Variants in CSMD1 observed in about 807,000 individuals in gnomAD.
CSMD1 encodes CUB and Sushi multiple domains 1, also known as CUB and sushi domain-containing protein 1.
CSMD1 carries 213 observed loss-of-function variants against 417.5 expected under a neutral mutation model. The ratio of observed to expected loss-of-function variants is 0.51; its 90% CI spans 0.46 to 0.57. CSMD1 has a LOEUF of 0.57. Ranked by LOEUF, CSMD1 falls within the 20% of genes least tolerant of loss-of-function variation. CSMD1 has a pLI of 0.00. For missense variants in CSMD1, 6,923 were observed against 4,529.7 expected (o/e 1.53, Z -15.17); for synonymous variants, 2,862 against 1,736.8 (o/e 1.65, Z -16.11).
intron 22 of CSMD1, among the ~76,000 whole-genome samples, chr8:3,345,991 T>C (rs1239333933): frequency 1.3e-5 from 2 of 152,152 alleles, no homozygotes; most frequent in Non-Finnish European, 2.9e-5. Flanking sequence ...GTGCAGGGGG[T>C]GCGTGTATAT....
At chr8:4,404,984 T>C (rs1563138875) in intron 3 of CSMD1, among the ~76,000 whole-genome samples, 2 of 152,224 alleles carry the variant, frequency 1.3e-5, no homozygotes, top group Non-Finnish European at 2.9e-5. Context: ...AGAGGATTAG[T>C]CATTTTCTCA....
intron 12 of CSMD1, among the ~76,000 whole-genome samples, chr8:3,462,672 T>C (rs1816579774): frequency 6.6e-6 from 1 of 152,166 alleles, no homozygotes. Context: ...TACATTGTAA[T>C]AATAGAAATA....
At chr8:3,575,125 A>G in intron 9 of CSMD1, 59 bp from the exon 10 acceptor site, 8 of 1,548,998 alleles carry the variant, frequency 5.2e-6, no homozygotes, top group Non-Finnish European at 7.0e-6. Context: ...TGGTAAAGAC[A>G]TAACATTTAT....
At chr8:4,892,069 C>A (rs559374699) in intron 1 of CSMD1, among the ~76,000 whole-genome samples, 2 of 152,158 alleles carry the variant, frequency 1.3e-5, no homozygotes, top group African/African-American at 4.8e-5. Flanking sequence ...GTAGAAGGTG[C>A]GGGAGGTAGG....
intron 2 of CSMD1, among the ~76,000 whole-genome samples, chr8:4,547,776 A>G (rs983969160): frequency 6.6e-6 from 1 of 152,216 alleles, no homozygotes; most frequent in Admixed American, 6.6e-5. Context: ...TGTACCCTGG[A>G]AATTTAATGT....
At position 3,802,459 on chromosome 8, in the gene CSMD1, C is replaced by G. The variant is rs948019656; in HGVS notation, c.819-48417G>C. 3.9e-5 allele frequency among the ~76,000 whole-genome samples: 6 copies of G among 152,098 alleles called. No homozygotes were observed. The South Asian group carries it at 1.2e-3, about 32-fold the overall frequency. On this transcript the variant is annotated intron_variant, in intron 5 of 69. Coordinates refer to ENST00000635120, the MANE Select transcript of CSMD1 (RefSeq NM_033225.6). ...TTTTTTTCTTATTAAATTTGTCAGC[C>G]TGATACATAAGTATCAACTTCATTC...
At chr8:3,504,165 A>C (rs1313378987) in intron 10 of CSMD1, among the ~76,000 whole-genome samples, 1 of 152,182 alleles carries the variant, frequency 6.6e-6, no homozygotes, top group Non-Finnish European at 1.5e-5. Flanking sequence ...TGATTTGATC[A>C]ATGACACACT....
chr8:3,753,204 G>A (rs188493061), intron 6 of CSMD1, among the ~76,000 whole-genome samples: 15 of 152,222 alleles, frequency 9.9e-5, no homozygotes, highest in African/African-American at 3.1e-4. Flanking sequence ...TGATTGGGAA[G>A]GTCCATTATT....
intron 41 of CSMD1, among the ~76,000 whole-genome samples, chr8:3,132,786 G>C (rs7837133): frequency 0.28 from 42,598 of 151,986 alleles, 9,617 homozygotes; most frequent in African/African-American, 0.62. Flanking sequence ...CCACTACTCT[G>C]GAGAAGCCCA....
At chr8:4,186,656 T>G (rs10866964) in intron 3 of CSMD1, among the ~76,000 whole-genome samples, 126,933 of 151,798 alleles carry the variant, frequency 0.84, 53,260 homozygotes, top group South Asian at 0.94. Flanking sequence ...TGCCTCTATT[T>G]CCCCAAAATC....
chr8:3,786,082 A>C (rs1799442553), intron 5 of CSMD1, among the ~76,000 whole-genome samples: 1 of 152,138 alleles, frequency 6.6e-6, no homozygotes, highest in Non-Finnish European at 1.5e-5. Flanking sequence ...GGCCTCATTG[A>C]AAGACTGGGT....
At chr8:3,403,896 C>A (rs1161533) in intron 15 of CSMD1, among the ~76,000 whole-genome samples, 143,109 of 152,274 alleles carry the variant, frequency 0.94, 67,268 homozygotes, top group South Asian at 0.98. Context: ...GTACATTTAC[C>A]ATATGTGATG....
chr8:3,551,593 T>C (rs1798914732), intron 10 of CSMD1, among the ~76,000 whole-genome samples: 1 of 111,310 alleles, frequency 9.0e-6, no homozygotes, highest in Admixed American at 8.4e-5. Flanking sequence ...TATATATATA[T>C]ATATTTTTTT....
rs181182466 is a variant in CSMD1 at position 3,326,421 on chromosome 8, G to C, written c.3631+16873C>G. On this transcript the variant is annotated intron_variant, in intron 23 of 69. Coordinates refer to ENST00000635120, the MANE Select transcript of CSMD1 (RefSeq NM_033225.6). ...CCTGTTTTTAGGGTAGCCTCACCTT[G>C]AAACAGACGAAGGTATGAGGTGTTT... 2.0e-5 allele frequency among the ~76,000 whole-genome samples: 3 copies of C among 152,300 alleles called. No individual in the cohort carries two copies. The East Asian group carries it at 5.8e-4, about 29-fold the overall frequency.
At chr8:3,949,782 C>A (rs1185028750) in intron 5 of CSMD1, among the ~76,000 whole-genome samples, 1 of 152,162 alleles carries the variant, frequency 6.6e-6, no homozygotes, top group African/African-American at 2.4e-5. Flanking sequence ...GCCACAAGCA[C>A]TGTTGCCTCT....
rs115539332 is a variant in CSMD1 at position 4,011,248 on chromosome 8, T to C, written c.611-13138A>G. On this transcript the variant is annotated intron_variant, in intron 4 of 69. Coordinates refer to ENST00000635120, the MANE Select transcript of CSMD1 (RefSeq NM_033225.6). The stretch of plus-strand genomic sequence containing the variant: ...TCTGATCAAGTTTTTAAGCCACGAC[T>C]TTACCAGTTTTCTTCTCTTTCAAAA... Among the ~76,000 whole-genome samples, 561 of 152,318 alleles carry C rather than the reference T, an allele frequency of 3.7e-3. 4 individuals carry two copies. Among genetic ancestry groups the C allele is most frequent in the African/African-American group, 0.013 (531 of 41,550 alleles).
chr8:3,308,982 C>T (rs1337352596), intron 23 of CSMD1, among the ~76,000 whole-genome samples: 2 of 152,108 alleles, frequency 1.3e-5, no homozygotes, highest in Non-Finnish European at 2.9e-5. Flanking sequence ...CCTCAGCCTC[C>T]CAAAGTGCTG....
intron 19 of CSMD1, 85 bp from the exon 20 acceptor site, chr8:3,367,332 A>T: frequency 1.2e-6 from 1 of 825,000 alleles, no homozygotes; most frequent in Non-Finnish European, 2.0e-6. Context: ...GGGCAGAGAG[A>T]GACAGAGACA....
chr8:4,082,312 A>G (rs1800180973), intron 3 of CSMD1, among the ~76,000 whole-genome samples: 1 of 152,172 alleles, frequency 6.6e-6, no homozygotes, highest in Admixed American at 6.6e-5. Flanking sequence ...GAAAAATTTA[A>G]TATTTGATAT....
Sources: gnomAD v4.1 joint callset for allele counts (sites outside exome capture counted in the v4.1 genomes callset) on GRCh38, gnomAD v4.1.1 for gene constraint, MANE v1.5 for transcripts, NCBI Gene and HGNC (gene_info 2026-07-23, HGNC 2026-07-21) for gene names.